Variants in PACRG observed in about 807,000 individuals in gnomAD.
The protein encoded by PACRG is parkin coregulated, also known as parkin coregulated gene protein.
Under a neutral mutation model 29.7 loss-of-function variants are expected in PACRG, and 29 were observed. The observed-to-expected ratio is 0.98, with a 90% CI of 0.73 to 1.33. The LOEUF (loss-of-function observed/expected upper bound fraction) is 1.33. Ranked by LOEUF, PACRG falls within the 40% of genes most tolerant of loss-of-function variation. The probability of loss-of-function intolerance (pLI) is 0.00; values close to 1 mark genes in which losing one functional copy is unlikely to be tolerated. For synonymous variants in PACRG, 116 were observed against 118.7 expected, an observed-to-expected ratio of 0.98 and a Z score of 0.15; for missense variants, 279 against 316.2, an observed-to-expected ratio of 0.88 and a Z score of 0.89.
chr6:163,033,100 G>A (rs895667372), intron 2 of PACRG, among the ~76,000 whole-genome samples: 1 of 152,042 alleles, frequency 6.6e-6, no homozygotes, highest in African/African-American at 2.4e-5. Context: ...ACATTTCCAT[G>A]CCTTTTTATA....
intron 3 of PACRG, among the ~76,000 whole-genome samples, chr6:163,086,047 G>C (rs1813527487): frequency 6.6e-6 from 1 of 152,230 alleles, no homozygotes; most frequent in African/African-American, 2.4e-5. Context: ...AGCTACAGGT[G>C]CTGTGAATCA....
intron 2 of PACRG, among the ~76,000 whole-genome samples, chr6:162,823,484 T>C (rs1788009663): frequency 6.6e-6 from 1 of 151,930 alleles, no homozygotes; most frequent in African/African-American, 2.4e-5. Context: ...TTTATCCTTG[T>C]TTTAACTTCT....
intron 4 of PACRG, among the ~76,000 whole-genome samples, chr6:163,279,055 G>A (rs1390171324): frequency 6.6e-6 from 1 of 152,150 alleles, no homozygotes. Context: ...CATGTCCTTG[G>A]TTAGGTGTAT....
chr6:162,845,977 C>T (rs1026572213), intron 2 of PACRG, among the ~76,000 whole-genome samples: 1 of 151,980 alleles, frequency 6.6e-6, no homozygotes, highest in Admixed American at 6.6e-5. Flanking sequence ...ATTAAACATG[C>T]AGGAAAAGTA....
intron 4 of PACRG, among the ~76,000 whole-genome samples, chr6:163,164,312 A>C (rs1778698704): frequency 6.6e-6 from 1 of 152,164 alleles, no homozygotes; most frequent in South Asian, 2.1e-4. Flanking sequence ...TTCAGCTTCC[A>C]TTTGGTGGCT....
rs115890909 is a variant in PACRG, at chr6:162,728,307, G to A, written c.72G>A (p.Leu24=). Residue 24 remains leucine (L), a synonymous_variant, in exon 1 of 5, where the codon CTG becomes CTA. Coordinates refer to ENST00000366888, the MANE Select transcript of PACRG (RefSeq NM_001080379.2). ...AGATGCCGAAGAGGACCAAGCTGCTGGCACAACAGCCGCTCCCGGTGCACC... is the reference window on the plus strand; with the variant it reads ...AGATGCCGAAGAGGACCAAGCTGCTAGCACAACAGCCGCTCCCGGTGCACC... ...PDKMPKRTKL[L]AQQPLPVHQP... The A allele has an allele frequency of 1.9e-3, 3,050 of 1,614,010 alleles. 33 individuals are homozygous for A. In the African/African-American group the frequency reaches 0.036, roughly 19 times the overall value.
intron 4 of PACRG, among the ~76,000 whole-genome samples, chr6:163,271,779 A>T (rs551709521): frequency 6.6e-6 from 1 of 152,312 alleles, no homozygotes; most frequent in East Asian, 1.9e-4. Flanking sequence ...CACATATGAA[A>T]TTTGAGACCA....
chr6:163,177,470 C>G (rs11965804), intron 4 of PACRG, among the ~76,000 whole-genome samples: 1 of 151,856 alleles, frequency 6.6e-6, no homozygotes, highest in Non-Finnish European at 1.5e-5. Flanking sequence ...GAACCAGGGT[C>G]TGAGTGACAA....
rs1032916179 is a variant in PACRG, at chr6:163,038,948, A to G, written c.292-23202A>G. 6.6e-5 allele frequency among the ~76,000 whole-genome samples: 10 copies of G among 152,262 alleles called. No individual in the cohort carries two copies. In the East Asian group the frequency reaches 1.9e-3, roughly 29 times the overall value. On this transcript the variant is annotated intron_variant, in intron 2 of 4. Coordinates refer to ENST00000366888, the MANE Select transcript of PACRG (RefSeq NM_001080379.2). ...ACTACTAGTCCTGAATAGAAATGAA[A>G]TATTTTATGAGTTTGCATATAAAAT...
intron 2 of PACRG, among the ~76,000 whole-genome samples, chr6:162,999,592 A>G (rs1168869516): frequency 3.3e-5 from 5 of 152,222 alleles, no homozygotes; most frequent in East Asian, 1.9e-4. Context: ...TTGGCCTTCT[A>G]TGTATTTCCT....
chr6:163,148,240 T>C (rs10455920), intron 4 of PACRG, among the ~76,000 whole-genome samples: 18,391 of 151,920 alleles, frequency 0.12, 1,289 homozygotes, highest in Middle Eastern at 0.21. Context: ...TCAAGGGGAG[T>C]TTTCACGTCA....
intron 2 of PACRG, among the ~76,000 whole-genome samples, chr6:163,044,245 T>C (rs1023023566): frequency 6.6e-6 from 1 of 151,290 alleles, no homozygotes; most frequent in Admixed American, 6.6e-5. Context: ...CACGGTTCAC[T>C]GAAGCCTTGG....
chr6:163,203,359 G>A (rs970231274), intron 4 of PACRG, among the ~76,000 whole-genome samples: 4 of 152,184 alleles, frequency 2.6e-5, no homozygotes, highest in African/African-American at 9.7e-5. Context: ...GTTGCAGTGA[G>A]CCGAGATTGC....
At chr6:162,790,335 C>T (rs180999749) in intron 1 of PACRG, among the ~76,000 whole-genome samples, 53 of 152,150 alleles carry the variant, frequency 3.5e-4, no homozygotes, top group African/African-American at 1.1e-3. Context: ...TTGCTCTCCC[C>T]GCACTCACCC....
Position 162,952,340 on chromosome 6 carries a change from C to A in PACRG, c.292-109810C>A, listed in dbSNP as rs535339160. On this transcript the variant is annotated intron_variant, in intron 2 of 4. Coordinates refer to ENST00000366888, the MANE Select transcript of PACRG (RefSeq NM_001080379.2). ...CAGCTAGGTATTAAAACTTAGGAACCCCTTGTTGTATATAGATTACTAAAT... is the reference window on the plus strand; with the variant it reads ...CAGCTAGGTATTAAAACTTAGGAACACCTTGTTGTATATAGATTACTAAAT... Among the ~76,000 whole-genome samples the A allele has an allele frequency of 2.8e-4, 43 of 152,118 alleles. No individual in the cohort carries two copies. In the South Asian group the frequency reaches 8.5e-3, roughly 30 times the overall value.
At chr6:162,903,680 G>A (rs1016700109) in intron 2 of PACRG, among the ~76,000 whole-genome samples, 1 of 152,182 alleles carries the variant, frequency 6.6e-6, no homozygotes, top group Non-Finnish European at 1.5e-5. Flanking sequence ...GGGAGCAATT[G>A]AAGATGAGAT....
chr6:163,052,662 AG>A (rs1253091141), intron 2 of PACRG, among the ~76,000 whole-genome samples: 4 of 152,194 alleles, frequency 2.6e-5, no homozygotes, highest in African/African-American at 9.7e-5. Flanking sequence ...CAGAAATGTG[AG>A]TCAATTAAAC....
chr6:163,299,426 C>T (rs1419900289), intron 4 of PACRG, among the ~76,000 whole-genome samples: 1 of 152,176 alleles, frequency 6.6e-6, no homozygotes, highest in African/African-American at 2.4e-5. Flanking sequence ...CCCGCCCTGC[C>T]CTGCAGCCAG....
intron 2 of PACRG, among the ~76,000 whole-genome samples, chr6:162,852,086 T>C (rs1790960069): frequency 6.6e-6 from 1 of 151,728 alleles, no homozygotes; most frequent in Admixed American, 6.6e-5. Flanking sequence ...GAAGTATTAC[T>C]AATGCATAAC....
Sources: gnomAD v4.1 joint callset for allele counts (sites outside exome capture counted in the v4.1 genomes callset) on GRCh38, gnomAD v4.1.1 for gene constraint, MANE v1.5 for transcripts, NCBI Gene and HGNC (gene_info 2026-07-23, HGNC 2026-07-21) for gene names.